The following NID1 variants were observed in gnomAD, a reference collection of about 807,000 sequenced individuals.
The protein encoded by NID1 is nidogen 1.
In NID1, 76 loss-of-function variants were observed where a neutral mutation model predicts 130.6. The observed-to-expected ratio is 0.58, with a 90% confidence interval of 0.48 to 0.70. The LOEUF (loss-of-function observed/expected upper bound fraction) is 0.70. NID1 is among the 30% of genes least tolerant of loss of function. The pLI is 0.00. For missense variants in NID1, 1,517 were observed against 1,664.8 expected (o/e 0.91, Z 1.54); for synonymous variants, 665 against 675.1 (o/e 0.98, Z 0.23).
chr1:235,994,303 C>T (rs1011712534), intron 12 of NID1, among the ~76,000 whole-genome samples: 4 of 152,244 alleles, frequency 2.6e-5, no homozygotes, highest in African/African-American at 7.2e-5. Context: ...GCTGGGATTA[C>T]AGGCACCCGC....
chr1:236,042,278 C>T lies in NID1; in HGVS notation c.767G>A (p.Gly256Glu). Reference sequence around the variant, plus strand: ...CTCAAACACCCAGACACCCTGCTGCCCAGAGTTACTACTCCTAGGAGGAAG... The same window carrying T: ...CTCAAACACCCAGACACCCTGCTGCTCAGAGTTACTACTCCTAGGAGGAAG... Reference protein sequence around the residue: ...VENLAKSSNSGQQGVWVFEIG... With the variant: ...VENLAKSSNSEQQGVWVFEIG... Residue 256 changes from glycine to glutamate, a missense_variant, in exon 4 of 20, where the codon GGG (glycine) becomes GAG (glutamate). Around this residue, in one of 3 missense-constraint regions of NID1, gnomAD observed 1,329 missense variants for 1,429.2 expected, o/e 0.93. Transcript: ENST00000264187. 1 of 1,603,362 alleles carries T rather than the reference C, an allele frequency of 6.2e-7. No homozygotes were observed. Among genetic ancestry groups the T allele is most frequent in the Non-Finnish European group, 8.5e-7 (1 of 1,179,792 alleles).
chr1:235,990,810 G>T, intron 14 of NID1, 76 bp downstream of exon 14: 3 of 1,537,942 alleles, frequency 2.0e-6, no homozygotes, highest in Non-Finnish European at 1.8e-6. Flanking sequence ...TGGGGTTCTG[G>T]TCTGATATCG....
intron 9 of NID1, 111 bp from the exon 10 acceptor site, chr1:236,017,384 A>G (rs188973913): frequency 7.7e-7 from 1 of 1,294,564 alleles, no homozygotes; most frequent in Non-Finnish European, 1.1e-6. Context: ...TTAAAACAAA[A>G]TTTTCTTTTT....
chr1:236,015,463 A>G lies in NID1; in HGVS notation c.2254+1685T>C, dbSNP rs181715492. Reference sequence around the variant, plus strand: ...GGAGTTCAAGACCAGCCTGGCCAACATGGTGAAACCCCGTCTCTACTAAAA... The same window carrying G: ...GGAGTTCAAGACCAGCCTGGCCAACGTGGTGAAACCCCGTCTCTACTAAAA... On this transcript the variant is annotated intron_variant, in intron 10 of 19. Coordinates refer to ENST00000264187, the MANE Select transcript of NID1 (RefSeq NM_002508.3). 7.1e-4 allele frequency among the ~76,000 whole-genome samples: 108 copies of G among 152,226 alleles called. No homozygotes were observed. The East Asian group carries it at 0.013, about 18-fold the overall frequency.
At chr1:236,034,772 T>TA (rs1659204431) in intron 5 of NID1, among the ~76,000 whole-genome samples, 1 of 152,208 alleles carries the variant, frequency 6.6e-6, no homozygotes. Context: ...TTGTATACTT[T>TA]AAAAAGGTAT....
chr1:236,012,433 C>A (rs1412821976), intron 11 of NID1, among the ~76,000 whole-genome samples: 1 of 151,910 alleles, frequency 6.6e-6, no homozygotes, highest in Non-Finnish European at 1.5e-5. Context: ...TGACACGTGC[C>A]TGTAATCCCA....
intron 9 of NID1, among the ~76,000 whole-genome samples, chr1:236,021,466 G>C (rs1658762108): frequency 6.6e-6 from 1 of 152,168 alleles, no homozygotes; most frequent in African/African-American, 2.4e-5. Flanking sequence ...TTGCATGAAA[G>C]GTTCACTATG....
intron 3 of NID1, 87 bp from the exon 4 acceptor site, chr1:236,042,379 G>T (rs1049756262): frequency 8.7e-6 from 13 of 1,494,918 alleles, no homozygotes; most frequent in Non-Finnish European, 1.2e-5. Flanking sequence ...CTGAGGATCT[G>T]TGTTGGTCTG....
chr1:236,040,660 A>G (rs1429173996), intron 4 of NID1, among the ~76,000 whole-genome samples: 1 of 142,986 alleles, frequency 7.0e-6, no homozygotes, highest in Non-Finnish European at 1.5e-5. Flanking sequence ...TAGTTGGAAC[A>G]TCTTTTTTTT....
intron 16 of NID1, 37 bp from the exon 17 acceptor site, chr1:235,980,690 T>G (rs1022774428): frequency 3.1e-6 from 5 of 1,599,932 alleles, no homozygotes; most frequent in Non-Finnish European, 4.3e-6. Flanking sequence ...GGAAAAGAAA[T>G]AATAAGGATG....
chr1:235,982,967 T>C (rs1400722104), intron 15 of NID1, among the ~76,000 whole-genome samples: 2 of 152,152 alleles, frequency 1.3e-5, no homozygotes, highest in Non-Finnish European at 2.9e-5. Flanking sequence ...CTCCACCTCC[T>C]GAGTTCAAAT....
chr1:236,042,396 A>G, intron 3 of NID1, 104 bp from the exon 4 acceptor site: 1 of 1,409,296 alleles, frequency 7.1e-7, no homozygotes, highest in Admixed American at 2.0e-5. Context: ...TCTGCAAGCC[A>G]TCACCTGCAG....
intron 10 of NID1, 87 bp from the exon 11 acceptor site, chr1:236,013,647 C>G: frequency 6.7e-7 from 1 of 1,503,334 alleles, no homozygotes; most frequent in Non-Finnish European, 9.1e-7. Context: ...AAAGAGAGAC[C>G]ATGCCTGGAC....
intron 1 of NID1, among the ~76,000 whole-genome samples, chr1:236,055,965 C>T (rs1208167466): frequency 6.6e-6 from 1 of 152,088 alleles, no homozygotes; most frequent in African/African-American, 2.4e-5. Flanking sequence ...CGGGACAGAA[C>T]TGAGAGCCTA....
At position 236,011,906 on chromosome 1, in the gene NID1, G is replaced by A; in HGVS notation, c.2527+15C>T. ...GGGCAATGGGCTACCGACTCCAGAT[G>A]TCCCACCACCTTACCTCCGGGCACG... On this transcript the variant is annotated intron_variant, in intron 12 of 19. Coordinates refer to ENST00000264187, the MANE Select transcript of NID1 (RefSeq NM_002508.3). 6.2e-7 allele frequency: 1 copy of A among 1,613,206 alleles called. No individual in the cohort carries two copies. Among genetic ancestry groups the A allele is most frequent in the African/African-American group, 1.3e-5 (1 of 75,036 alleles).
chr1:235,994,914 A>C (rs1558425326), intron 12 of NID1, among the ~76,000 whole-genome samples: 1 of 152,156 alleles, frequency 6.6e-6, no homozygotes, highest in Admixed American at 6.5e-5. Context: ...CCACGCTAGC[A>C]TCTCAAGCTT....
chr1:236,004,634 C>T (rs12140855), intron 12 of NID1, among the ~76,000 whole-genome samples: 11,501 of 151,374 alleles, frequency 0.076, 1,014 homozygotes, highest in East Asian at 0.42. Flanking sequence ...TGGTGGCGGG[C>T]GCCTGTAGTC....
chr1:236,019,018 C>A (rs1658680802), intron 9 of NID1, among the ~76,000 whole-genome samples: 1 of 152,226 alleles, frequency 6.6e-6, no homozygotes, highest in African/African-American at 2.4e-5. Flanking sequence ...TGTACCCAGG[C>A]AAATACCCAA....
chr1:236,001,744 A>C (rs945855940), intron 12 of NID1, among the ~76,000 whole-genome samples: 1 of 152,216 alleles, frequency 6.6e-6, no homozygotes, highest in African/African-American at 2.4e-5. Flanking sequence ...AAAGGCAAAC[A>C]AAGAAGGGAA....
Sources: allele counts gnomAD v4.1 joint callset (sites outside exome capture counted in the v4.1 genomes callset), GRCh38; gene constraint gnomAD v4.1.1; regional missense constraint gnomAD v4.1.1; transcripts MANE v1.5; gene names NCBI Gene and HGNC (gene_info 2026-07-23, HGNC 2026-07-21).